CXCL13: variants seen among roughly 807,000 people sequenced by gnomAD.
CXCL13 encodes the protein C-X-C motif chemokine 13.
CXCL13 carries 7 observed loss-of-function variants against 12.2 expected under a neutral mutation model. The observed-to-expected ratio is 0.57, with a 90% CI of 0.33 to 1.07. The LOEUF (loss-of-function observed/expected upper bound fraction) is 1.07. Ranked by LOEUF, CXCL13 falls within the 50% of genes least tolerant of loss-of-function variation. The pLI is 0.04. For synonymous variants in CXCL13, 47 were observed against 42.4 expected, an observed-to-expected ratio of 1.11 and a Z score of -0.42; for missense variants, 113 against 127.4, an observed-to-expected ratio of 0.89 and a Z score of 0.55.
rs537367652 is a variant in CXCL13, at chr4:77,608,451, A to AAAG, written c.197+618_197+619insGAA. On this transcript the variant is annotated intron_variant, in intron 2 of 3. Transcript: ENST00000682537. The stretch of plus-strand genomic sequence containing the variant: ...GCGAAACTCCATCTCAAAAAAAAAA[A>AAAG]AAAGAAAGAAAGAAAGTGCATTAGC... 9.5e-4 allele frequency among the ~76,000 whole-genome samples: 145 copies of AAAG among 152,096 alleles called. 4 individuals carry two copies. In the East Asian group the frequency reaches 0.022, roughly 23 times the overall value.
intron 1 of CXCL13, among the ~76,000 whole-genome samples, chr4:77,590,063 A>G (rs1231769166): frequency 1.3e-5 from 2 of 152,176 alleles, no homozygotes; most frequent in African/African-American, 4.8e-5. Context: ...TTTTATTAAC[A>G]TAGGATTACA....
intron 1 of CXCL13, among the ~76,000 whole-genome samples, chr4:77,557,292 G>T (rs1425012304): frequency 6.6e-6 from 1 of 152,088 alleles, no homozygotes; most frequent in Non-Finnish European, 1.5e-5. Context: ...ACATTTGTTT[G>T]TGTAAATGGC....
At chr4:77,586,059 T>C (rs1192686987) in intron 1 of CXCL13, among the ~76,000 whole-genome samples, 1 of 152,152 alleles carries the variant, frequency 6.6e-6, no homozygotes, top group Admixed American at 6.5e-5. Context: ...TGCAACATAA[T>C]TGTGTGATGA....
intron 1 of CXCL13, among the ~76,000 whole-genome samples, chr4:77,570,580 TC>T (rs1726045814): frequency 6.6e-6 from 1 of 152,208 alleles, no homozygotes; most frequent in Non-Finnish European, 1.5e-5. Flanking sequence ...GAGGAGCCCT[TC>T]AGCCCACTGC....
chr4:77,577,293 G>C (rs1273143617), intron 1 of CXCL13, among the ~76,000 whole-genome samples: 1 of 152,058 alleles, frequency 6.6e-6, no homozygotes, highest in Non-Finnish European at 1.5e-5. Context: ...TGCCTTGTTG[G>C]AGGAGAACTC....
chr4:77,567,843 T>G (rs1172358058), intron 1 of CXCL13, among the ~76,000 whole-genome samples: 1 of 152,176 alleles, frequency 6.6e-6, no homozygotes, highest in East Asian at 1.9e-4. Flanking sequence ...CCCAGAAAAC[T>G]CATGAAAATC....
At chr4:77,557,885 T>C (rs919210060) in intron 1 of CXCL13, among the ~76,000 whole-genome samples, 1 of 152,220 alleles carries the variant, frequency 6.6e-6, no homozygotes, top group Non-Finnish European at 1.5e-5. Flanking sequence ...CTCTGAGCCT[T>C]TTATTCTTTT....
intron 1 of CXCL13, among the ~76,000 whole-genome samples, chr4:77,514,850 C>A (rs990449151): frequency 1.3e-5 from 2 of 152,080 alleles, no homozygotes; most frequent in Non-Finnish European, 2.9e-5. Context: ...GTTGCCATTG[C>A]TTTTGGTGTT....
chr4:77,528,986 T>C (rs1724839849), intron 1 of CXCL13, among the ~76,000 whole-genome samples: 1 of 152,240 alleles, frequency 6.6e-6, no homozygotes, highest in African/African-American at 2.4e-5. Context: ...CAGTTTCAGC[T>C]TTCTACATAT....
chr4:77,531,241 A>G (rs1724909324), intron 1 of CXCL13, among the ~76,000 whole-genome samples: 1 of 149,130 alleles, frequency 6.7e-6, no homozygotes, highest in South Asian at 2.2e-4. Flanking sequence ...ATCTTTTAGC[A>G]TTAGGTATAT....
At chr4:77,524,043 T>C (rs539597032) in intron 1 of CXCL13, among the ~76,000 whole-genome samples, 94 of 152,338 alleles carry the variant, frequency 6.2e-4, no homozygotes, top group African/African-American at 2.1e-3. Context: ...CAGTGGAGGC[T>C]GCAGAACAGC....
chr4:77,562,967 G>A (rs1484475888), intron 1 of CXCL13, among the ~76,000 whole-genome samples: 1 of 152,072 alleles, frequency 6.6e-6, no homozygotes, highest in African/African-American at 2.4e-5. Flanking sequence ...CAACCCCCAT[G>A]GGTCCCCTTC....
chr4:77,539,816 T>C (rs1486385515), intron 1 of CXCL13, among the ~76,000 whole-genome samples: 1 of 152,146 alleles, frequency 6.6e-6, no homozygotes, highest in Non-Finnish European at 1.5e-5. Flanking sequence ...ACAACCGCCT[T>C]ACCATCACCT....
intron 1 of CXCL13, among the ~76,000 whole-genome samples, chr4:77,578,284 C>T (rs1560531276): frequency 6.6e-6 from 1 of 152,174 alleles, no homozygotes; most frequent in African/African-American, 2.4e-5. Flanking sequence ...GCAACTGGAG[C>T]CACAGATGAT....
intron 1 of CXCL13, among the ~76,000 whole-genome samples, chr4:77,513,341 C>A (rs1284302550): frequency 3.9e-5 from 6 of 152,070 alleles, no homozygotes; most frequent in Non-Finnish European, 8.8e-5. Flanking sequence ...GTTCTAGATT[C>A]TTGAGGAATT....
At chr4:77,518,060 G>A (rs560675855) in intron 1 of CXCL13, among the ~76,000 whole-genome samples, 2 of 152,092 alleles carry the variant, frequency 1.3e-5, no homozygotes, top group African/African-American at 4.8e-5. Context: ...ATGAAGCTTA[G>A]TTTGGCTGGA....
chr4:77,559,999 A>G lies in CXCL13; in HGVS notation c.-42-45825A>G, dbSNP rs148755789. Reference sequence around the variant, plus strand: ...AGCTCCAGTGACCCCTTCACTTCCTAGAACTTCCTAGTCATAAACACTTCT... The same window carrying G: ...AGCTCCAGTGACCCCTTCACTTCCTGGAACTTCCTAGTCATAAACACTTCT... On this transcript the variant is annotated intron_variant, in intron 1 of 4. Coordinates refer to the CXCL13 transcript ENST00000286758. Among the ~76,000 whole-genome samples the G allele has an allele frequency of 4.6e-3, 695 of 150,320 alleles. 18 individuals carry two copies. Among genetic ancestry groups the G allele is most frequent in the East Asian group, 0.027 (139 of 5,136 alleles).
At chr4:77,543,558 C>G (rs185535297) in intron 1 of CXCL13, among the ~76,000 whole-genome samples, 1 of 151,848 alleles carries the variant, frequency 6.6e-6, no homozygotes, top group South Asian at 2.1e-4. Flanking sequence ...TGTCTCTGTC[C>G]ATCTTTATTT....
At chr4:77,513,947 G>A (rs1424346348) in intron 1 of CXCL13, among the ~76,000 whole-genome samples, 3 of 151,642 alleles carry the variant, frequency 2.0e-5, no homozygotes, top group Non-Finnish European at 4.4e-5. Context: ...CAGTGCTATC[G>A]CTCCCCACTA....
Sources: allele counts gnomAD v4.1 joint callset (sites outside exome capture counted in the v4.1 genomes callset), GRCh38; gene constraint gnomAD v4.1.1; transcripts MANE v1.5; gene names NCBI Gene and HGNC (gene_info 2026-07-23, HGNC 2026-07-21).